SLC12A2: variants seen among roughly 807,000 people sequenced by gnomAD.
The protein encoded by SLC12A2 is solute carrier family 12 member 2, also known as Na-K-2Cl cotransporter 1.
A neutral mutation model predicts 136.3 loss-of-function variants in SLC12A2; 67 were observed. The observed-to-expected ratio is 0.49, with a 90% confidence interval of 0.40 to 0.60. SLC12A2 has a LOEUF of 0.60. Among genes scored for constraint, SLC12A2 ranks in the 20% least tolerant of loss-of-function variants. The pLI is 0.00. For synonymous variants in SLC12A2, 619 were observed against 562.9 expected (o/e 1.10, Z -1.41); for missense variants, 1,322 against 1,534.7 (o/e 0.86, Z 2.32).
chr5:128,167,349 T>C (rs1344858721), intron 17 of SLC12A2, among the ~76,000 whole-genome samples: 2 of 152,132 alleles, frequency 1.3e-5, no homozygotes, highest in African/African-American at 2.4e-5. Context: ...GATTTTAGTA[T>C]TGATGTGATT....
chr5:128,132,883 GTATT>G (rs34043661), intron 5 of SLC12A2, among the ~76,000 whole-genome samples: 4,317 of 152,176 alleles, frequency 0.028, 87 homozygotes, highest in Non-Finnish European at 0.044. Flanking sequence ...TCTTATCAAA[GTATT>G]TAATTAGGGT....
chr5:128,112,742 T>G, intron 1 of SLC12A2, 72 bp from the exon 2 acceptor site: 1 of 1,168,428 alleles, frequency 8.6e-7, no homozygotes, highest in East Asian at 2.4e-5. Context: ...ATGTATTTAG[T>G]TATGTTTGTT....
At chr5:128,138,538 C>T in intron 7 of SLC12A2, 59 bp from the exon 8 acceptor site, 1 of 1,491,466 alleles carries the variant, frequency 6.7e-7, no homozygotes. Flanking sequence ...TTCTTGACCT[C>T]AGTTATTATA....
chr5:128,119,934 G>A (rs1761492076), intron 4 of SLC12A2, among the ~76,000 whole-genome samples: 1 of 151,896 alleles, frequency 6.6e-6, no homozygotes, highest in African/African-American at 2.4e-5. Flanking sequence ...CTACAGAATG[G>A]GAGAAAATTT....
In SLC12A2 at chr5:128,084,143, G is replaced by T; in HGVS notation, c.189G>T (p.Ala63=). 1 of 1,294,760 alleles carries T rather than the reference G, an allele frequency of 7.7e-7. No individual in the cohort carries two copies. Among genetic ancestry groups the T allele is most frequent in the Non-Finnish European group, 9.7e-7 (1 of 1,027,760 alleles). 80.2% of individuals were successfully genotyped at this position (1,294,760 alleles called of 1,614,324 possible). ...GGGTCCGCGATGAGGGCCCCGCGGC[G>T]GCCGGGGACGGGCTGGGCAGACCCT... ...GGGVRDEGPA[A]AGDGLGRPLG... The change falls in exon 1 of 27, where the codon GCG becomes GCT. Residue 63 remains alanine, a synonymous_variant. Coordinates refer to ENST00000262461, the MANE Select transcript of SLC12A2 (RefSeq NM_001046.3). This position sits in a 1 kb window ranked among gnomAD's most constrained non-coding sequence, Gnocchi z 5.6.
chr5:128,147,081 C>T (rs1369480136), intron 10 of SLC12A2, among the ~76,000 whole-genome samples: 1 of 130,484 alleles, frequency 7.7e-6, no homozygotes, highest in Non-Finnish European at 1.6e-5. Flanking sequence ...TAATGTGTAA[C>T]CTTTTTTTTT....
At chr5:128,152,876 C>T in intron 15 of SLC12A2, 71 bp downstream of exon 15, 3 of 914,174 alleles carry the variant, frequency 3.3e-6, no homozygotes, top group Non-Finnish European at 1.8e-6. Flanking sequence ...TTTTCATTGA[C>T]ATTTTCATGT....
intron 4 of SLC12A2, among the ~76,000 whole-genome samples, chr5:128,121,358 T>G (rs892187473): frequency 2.6e-5 from 4 of 152,160 alleles, no homozygotes; most frequent in African/African-American, 9.7e-5. Flanking sequence ...AGTCTTGCTC[T>G]GTTGCCCAGG....
chr5:128,144,364 A>G (rs1762463292), intron 10 of SLC12A2, among the ~76,000 whole-genome samples: 1 of 152,158 alleles, frequency 6.6e-6, no homozygotes, highest in Non-Finnish European at 1.5e-5. Flanking sequence ...TGGAGAGTGA[A>G]GAATGGTGGA....
chr5:128,098,737 T>A (rs1446006016), intron 1 of SLC12A2, among the ~76,000 whole-genome samples: 2 of 152,154 alleles, frequency 1.3e-5, no homozygotes, highest in African/African-American at 2.4e-5. Context: ...CTGATATCTC[T>A]GTTCTGTATT....
intron 4 of SLC12A2, among the ~76,000 whole-genome samples, chr5:128,125,408 A>G (rs1159508217): frequency 2.6e-5 from 4 of 152,166 alleles, no homozygotes; most frequent in African/African-American, 9.7e-5. Flanking sequence ...CTTGATGTTC[A>G]ATGATGAGGA....
chr5:128,085,754 A>C (rs1404558518), intron 1 of SLC12A2, among the ~76,000 whole-genome samples: 1 of 152,218 alleles, frequency 6.6e-6, no homozygotes, highest in African/African-American at 2.4e-5. Context: ...TCTTTTGGAT[A>C]TGATTATTTG....
At chr5:128,146,379 G>A (rs1762526550) in intron 10 of SLC12A2, among the ~76,000 whole-genome samples, 1 of 151,626 alleles carries the variant, frequency 6.6e-6, no homozygotes, top group Admixed American at 6.6e-5. Flanking sequence ...TAGTTATAGT[G>A]TCATTTTAAA....
chr5:128,140,431 T>G (rs1002639758), intron 9 of SLC12A2, among the ~76,000 whole-genome samples: 2 of 152,234 alleles, frequency 1.3e-5, no homozygotes, highest in African/African-American at 2.4e-5. Context: ...TAAAAGTTCC[T>G]AGCATGCTTC....
Position 128,180,986 on chromosome 5 carries a change from CCGGAGA to C in SLC12A2, c.3205_3210del (p.Arg1069_Arg1070del). ...GAAAGATAAACAGAATAGACCATGA[CCGGAGA>C]GCGTAAGTTTATTTCACATTGAAGG... On this transcript the variant is annotated inframe_deletion and splice_region_variant, in exon 23 of 27. Transcript: ENST00000262461. 6.3e-7 allele frequency: 1 copy of C among 1,578,742 alleles called. No individual in the cohort carries two copies. Among genetic ancestry groups the C allele is most frequent in the Non-Finnish European group, 8.7e-7 (1 of 1,148,498 alleles).
At chr5:128,101,107 G>T (rs1760725053) in intron 1 of SLC12A2, among the ~76,000 whole-genome samples, 2 of 152,120 alleles carry the variant, frequency 1.3e-5, no homozygotes, top group South Asian at 4.1e-4. Flanking sequence ...GAGCAGATTG[G>T]ATTCCTGTAA....
intron 4 of SLC12A2, among the ~76,000 whole-genome samples, chr5:128,126,966 A>ATATATATATATTTTTTTTTTTT: frequency 4.7e-5 from 1 of 21,156 alleles, no homozygotes; most frequent in African/African-American, 2.5e-4. Flanking sequence ...ATATATATAT[A>ATATATATATATTTTTTTTTTTT]TTTTTTTTTT....
At chr5:128,127,360 A>G (rs144718899) in intron 4 of SLC12A2, among the ~76,000 whole-genome samples, 2,484 of 151,968 alleles carry the variant, frequency 0.016, 72 homozygotes, top group African/African-American at 0.056. Context: ...TGACCTTGTG[A>G]TCCACCTGCC....
chr5:128,171,276 A>G (rs1289803354), intron 18 of SLC12A2, among the ~76,000 whole-genome samples: 2 of 152,090 alleles, frequency 1.3e-5, no homozygotes, highest in Non-Finnish European at 2.9e-5. Context: ...AGTAGCATCA[A>G]GGTTTTTGTG....
Sources: gnomAD v4.1 joint callset for allele counts (sites outside exome capture counted in the v4.1 genomes callset) on GRCh38, gnomAD v4.1.1 for gene constraint, Gnocchi (gnomAD v3.1) non-coding constraint, MANE v1.5 for transcripts, NCBI Gene and HGNC (gene_info 2026-07-23, HGNC 2026-07-21) for gene names.